The following RNF144B variants were observed in gnomAD, a reference collection of about 807,000 sequenced individuals.
The protein encoded by RNF144B is E3 ubiquitin-protein ligase RNF144B.
In RNF144B, 25 loss-of-function variants were observed where a neutral mutation model predicts 40.2. The observed-to-expected ratio is 0.62, with a 90% CI of 0.45 to 0.87. The LOEUF (loss-of-function observed/expected upper bound fraction) is 0.87. Ranked by LOEUF, RNF144B falls within the 40% of genes least tolerant of loss-of-function variation. The pLI is 0.00. For synonymous variants in RNF144B, 145 were observed against 136.3 expected, an observed-to-expected ratio of 1.06 and a Z score of -0.44; for missense variants, 365 against 373.7, an observed-to-expected ratio of 0.98 and a Z score of 0.19.
intron 2 of RNF144B, among the ~76,000 whole-genome samples, chr6:18,413,945 G>A (rs1227759838): frequency 2.0e-5 from 3 of 151,974 alleles, no homozygotes; most frequent in Admixed American, 6.6e-5. Flanking sequence ...AGGAAGACTG[G>A]TTCAAATTAT....
chr6:18,465,284 GT>G lies in RNF144B; in HGVS notation c.*220del. The G allele has an allele frequency of 3.5e-6, 2 of 564,962 alleles. No homozygotes were observed. Among genetic ancestry groups the G allele is most frequent in the Non-Finnish European group, 6.3e-6 (2 of 317,816 alleles). The allele number at this position is 564,962 out of a possible 1,614,324, so 35.0% of individuals were successfully genotyped here. ...AAGAACTGGGCTCAACGGTCCAGCT[GT>G]TTCTATGGAGCTTTGGGGTTCCTTG... On this transcript the variant is annotated 3_prime_UTR_variant, in exon 8 of 8. Transcript: ENST00000259939.
At position 18,466,899 on chromosome 6, in the gene RNF144B, C is replaced by G. The variant is rs1759581778; in HGVS notation, c.*1832C>G. ...GTTGTGTAGAACATAGATGAGAACT[C>G]TGGGAAAACTTGGGAATGGCAACCA... is the stretch of plus-strand genomic sequence containing the variant. On this transcript the variant is annotated 3_prime_UTR_variant, in exon 8 of 8. Coordinates refer to ENST00000259939, the MANE Select transcript of RNF144B (RefSeq NM_182757.4). The G allele has an allele frequency of 6.6e-6, 1 of 152,414 alleles. No individual in the cohort carries two copies. Among genetic ancestry groups the G allele is most frequent in the Non-Finnish European group, 1.5e-5 (1 of 68,014 alleles). 9.4% of individuals were successfully genotyped at this position (152,414 alleles called of 1,614,324 possible). A position where few individuals can be genotyped will look rare whatever the true frequency, so the allele number is the denominator to read the frequency against.
At position 18,412,775 on chromosome 6, in the gene RNF144B, AGT is replaced by A. The variant is rs1300157552; in HGVS notation, c.165+13078_165+13079del. ...TACCCCTTGGAATCAGGTGAGACAC[AGT>A]GCCTCATTTCCATGGAAATACATGG... On this transcript the variant is annotated intron_variant, in intron 2 of 7. Coordinates refer to ENST00000259939, the MANE Select transcript of RNF144B (RefSeq NM_182757.4). This position sits in a 1 kb window ranked among gnomAD's most constrained non-coding sequence, Gnocchi z 4.2. Among the ~76,000 whole-genome samples the A allele has an allele frequency of 6.6e-6, 1 of 152,228 alleles. No individual in the cohort carries two copies. The highest frequency in any genetic ancestry group is 1.5e-5 in the Non-Finnish European group (1 of 68,034).
Position 18,459,888 on chromosome 6 carries a change from T to C in RNF144B, c.681+137T>C. On this transcript the variant is annotated intron_variant, in intron 6 of 7. Transcript: ENST00000259939. This position sits in a 1 kb window ranked among gnomAD's most constrained non-coding sequence, Gnocchi z 4.2. ...GGAATTTATTTTTCTTAATGAGACT[T>C]ACTAAGCCTGATACTTTAGATATCT... 1 of 785,862 alleles carries C rather than the reference T, an allele frequency of 1.3e-6. No homozygotes were observed. The highest frequency in any genetic ancestry group is 2.1e-6 in the Non-Finnish European group (1 of 487,338). 48.7% of individuals were successfully genotyped at this position (785,862 alleles called of 1,614,324 possible).
intron 3 of RNF144B, among the ~76,000 whole-genome samples, chr6:18,437,402 C>T (rs1758848478): frequency 6.6e-6 from 1 of 152,070 alleles, no homozygotes; most frequent in South Asian, 2.1e-4. Context: ...TGTACCACTG[C>T]ACTCCAGCCT....
At position 18,441,005 on chromosome 6, in the gene RNF144B, C is replaced by A. The variant is rs1758951776; in HGVS notation, c.331+1261C>A. 6.6e-6 allele frequency among the ~76,000 whole-genome samples: 1 copy of A among 151,856 alleles called. No homozygotes were observed. On this transcript the variant is annotated intron_variant, in intron 4 of 7. Coordinates refer to ENST00000259939, the MANE Select transcript of RNF144B (RefSeq NM_182757.4). The surrounding 1 kb of genome is among the most constrained non-coding windows in gnomAD (Gnocchi z 4.9). The stretch of plus-strand genomic sequence containing the variant: ...TATAATGTTGAACATGGAATCAGAA[C>A]CAGGGAGTCAGAAGGATTTTTGGTT...
rs1344597538 is a variant in RNF144B, at chr6:18,418,182, C to T, written c.166-9399C>T. Among the ~76,000 whole-genome samples the T allele has an allele frequency of 6.6e-6, 1 of 152,096 alleles. No individual in the cohort carries two copies. Among genetic ancestry groups the T allele is most frequent in the African/African-American group, 2.4e-5 (1 of 41,428 alleles). The stretch of plus-strand genomic sequence containing the variant: ...TGCTTTGGAAAATCATCTAGCAGTT[C>T]CTCAAAAGGCAAAGATAGAGTTACC... On this transcript the variant is annotated intron_variant, in intron 2 of 7. Coordinates refer to ENST00000259939, the MANE Select transcript of RNF144B (RefSeq NM_182757.4). This position sits in a 1 kb window ranked among gnomAD's most constrained non-coding sequence, Gnocchi z 5.2.
At position 18,467,635 on chromosome 6, in the gene RNF144B, C is replaced by A. The variant is rs968235217; in HGVS notation, c.*2568C>A. 1 of 147,030 alleles carries A rather than the reference C, an allele frequency of 6.8e-6. No homozygotes were observed. Among genetic ancestry groups the A allele is most frequent in the East Asian group, 2.1e-4 (1 of 4,694 alleles). 9.1% of individuals were successfully genotyped at this position (147,030 alleles called of 1,614,324 possible). ...GACTGTTTATAAAGGAGAGAGCTGG[C>A]GACTTATTTTTATTTTTATTTTTTG... On this transcript the variant is annotated 3_prime_UTR_variant, in exon 8 of 8. Transcript: ENST00000259939.
chr6:18,430,681 G>C (rs918042118), intron 3 of RNF144B, among the ~76,000 whole-genome samples: 1 of 151,360 alleles, frequency 6.6e-6, no homozygotes, highest in African/African-American at 2.4e-5. Flanking sequence ...TTAAAGAGAG[G>C]GTCTCTCTAT....
intron 1 of RNF144B, 61 bp from the exon 2 acceptor site, chr6:18,399,438 G>T: frequency 1.6e-6 from 2 of 1,229,728 alleles, no homozygotes; most frequent in Non-Finnish European, 2.3e-6. Flanking sequence ...CTCCAGACGT[G>T]TTGGCTAAAC....
rs747528312 is a variant in RNF144B, at chr6:18,459,633, C to T, written c.563C>T (p.Ala188Val). ...HRALFGTDAE[A>V]PIKQCPVCRV... is the part of the protein sequence containing the mutation. Reference sequence around the variant, plus strand: ...GCCCTCTTTGGGACAGATGCAGAAGCCCCCATTAAGCAGTGCCCAGTTTGC... The same window carrying T: ...GCCCTCTTTGGGACAGATGCAGAAGTCCCCATTAAGCAGTGCCCAGTTTGC... The change falls in exon 6 of 8, where the codon GCC becomes GTC. Residue 188 changes from alanine to valine, a missense_variant. Coordinates refer to ENST00000259939, the MANE Select transcript of RNF144B (RefSeq NM_182757.4). The surrounding 1 kb of genome is among the most constrained non-coding windows in gnomAD (Gnocchi z 4.2). 6 of 1,613,768 alleles carry T rather than the reference C, an allele frequency of 3.7e-6. No homozygotes were observed. The highest frequency in any genetic ancestry group is 4.2e-6 in the Non-Finnish European group (5 of 1,179,802).
intron 3 of RNF144B, among the ~76,000 whole-genome samples, chr6:18,432,230 G>A (rs894187164): frequency 6.6e-6 from 1 of 152,100 alleles, no homozygotes; most frequent in Non-Finnish European, 1.5e-5. Flanking sequence ...GAAGATTTTG[G>A]TATCTGCGGG....
At chr6:18,455,856 A>C (rs972934551) in intron 4 of RNF144B, among the ~76,000 whole-genome samples, 1 of 152,106 alleles carries the variant, frequency 6.6e-6, no homozygotes, top group Non-Finnish European at 1.5e-5. Flanking sequence ...TGGTCTGTGA[A>C]AGTCTCTCTG....
At chr6:18,396,595 C>G (rs1354699367) in intron 1 of RNF144B, 6 of 985,184 alleles carry the variant, frequency 6.1e-6, no homozygotes, top group Non-Finnish European at 7.2e-6. Flanking sequence ...TTTTCTCCTA[C>G]TCAGGAAGCA....
Position 18,422,654 on chromosome 6 carries a change from A to G in RNF144B, c.166-4927A>G, listed in dbSNP as rs1235725935. Among the ~76,000 whole-genome samples, 1 of 152,168 alleles carries G rather than the reference A, an allele frequency of 6.6e-6. No individual in the cohort carries two copies. Among genetic ancestry groups the G allele is most frequent in the African/African-American group, 2.4e-5 (1 of 41,442 alleles). On this transcript the variant is annotated intron_variant, in intron 2 of 7. Coordinates refer to ENST00000259939, the MANE Select transcript of RNF144B (RefSeq NM_182757.4). This position sits in a 1 kb window ranked among gnomAD's most constrained non-coding sequence, Gnocchi z 4.7. ...CATCCAGAAGCATCTAAGATCCTGG[A>G]AGTCAACTTAAATTTTCAATGAATG... is the stretch of plus-strand genomic sequence containing the variant.
Position 18,459,734 on chromosome 6 carries a change from T to C in RNF144B, c.664T>C (p.Cys222Arg). The C allele has an allele frequency of 6.2e-7, 1 of 1,614,140 alleles. No homozygotes were observed. The highest frequency in any genetic ancestry group is 8.5e-7 in the Non-Finnish European group (1 of 1,179,936). ...KNCKHTFCWY[C>R]LQNLDNDIFL... is the part of the protein sequence containing the mutation. Reference sequence around the variant, plus strand: ...CTGCAAGCATACATTTTGCTGGTACTGCCTCCAGAACTTGGATGTAAGTTC... The same window carrying C: ...CTGCAAGCATACATTTTGCTGGTACCGCCTCCAGAACTTGGATGTAAGTTC... Residue 222 changes from cysteine (C) to arginine (R), a missense_variant, in exon 6 of 8, where the codon TGC becomes CGC. Coordinates refer to ENST00000259939, the MANE Select transcript of RNF144B (RefSeq NM_182757.4). This position sits in a 1 kb window ranked among gnomAD's most constrained non-coding sequence, Gnocchi z 4.2.
In RNF144B at chr6:18,466,027, G is replaced by A. The variant is rs1183713751; in HGVS notation, c.*960G>A. 3 of 152,164 alleles carry A rather than the reference G, an allele frequency of 2.0e-5. No homozygotes were observed. The highest frequency in any genetic ancestry group is 4.4e-5 in the Non-Finnish European group (3 of 68,030). 9.4% of individuals were successfully genotyped at this position (152,164 alleles called of 1,614,324 possible). On this transcript the variant is annotated 3_prime_UTR_variant, in exon 8 of 8. Coordinates refer to ENST00000259939, the MANE Select transcript of RNF144B (RefSeq NM_182757.4). ...ACATCTAGAATCCATGTGACTTGCA[G>A]CCTACCTGTAATTTCTATCCATTGA...
chr6:18,408,049 A>G (rs1794952513), intron 2 of RNF144B, among the ~76,000 whole-genome samples: 1 of 144,690 alleles, frequency 6.9e-6, no homozygotes, highest in South Asian at 2.2e-4. Flanking sequence ...CAGTGGTGCG[A>G]TCTCAGCTCA....
chr6:18,451,739 T>A (rs1582442371), intron 4 of RNF144B, among the ~76,000 whole-genome samples: 1 of 152,346 alleles, frequency 6.6e-6, no homozygotes, highest in East Asian at 1.9e-4. Flanking sequence ...AACCAGTGAA[T>A]GTGAATTGCT....
Sources: allele counts gnomAD v4.1 joint callset (sites outside exome capture counted in the v4.1 genomes callset), GRCh38; gene constraint gnomAD v4.1.1; non-coding constraint Gnocchi (gnomAD v3.1); transcripts MANE v1.5; gene names NCBI Gene and HGNC (gene_info 2026-07-23, HGNC 2026-07-21).